UGT1A9: variants seen among roughly 807,000 people sequenced by gnomAD.
UGT1A9 encodes the protein UDP-glucuronosyltransferase 1A9.
A neutral mutation model predicts 45.0 loss-of-function variants in UGT1A9; 35 were observed. The ratio of observed to expected loss-of-function variants is 0.78; its 90% CI spans 0.59 to 1.03. UGT1A9 has a LOEUF of 1.03. Among genes scored for constraint, UGT1A9 ranks in the 50% least tolerant of loss-of-function variants. The pLI is 0.00. For synonymous variants in UGT1A9, 278 were observed against 250.6 expected (o/e 1.11, Z -1.03); for missense variants, 687 against 666.6 (o/e 1.03, Z -0.34).
chr2:233,677,066 C>A (rs1252813499), intron 1 of UGT1A9, among the ~76,000 whole-genome samples: 1 of 151,404 alleles, frequency 6.6e-6, no homozygotes, highest in Non-Finnish European at 1.5e-5. Context: ...AAAATAAGTT[C>A]ATTAATGTGT....
chr2:233,727,875 C>T (rs1348465171), intron 1 of UGT1A9, among the ~76,000 whole-genome samples: 1 of 152,196 alleles, frequency 6.6e-6, no homozygotes, highest in Non-Finnish European at 1.5e-5. Flanking sequence ...CTCAGCCTCA[C>T]CAGCAATGGC....
At chr2:233,754,202 GAAGTCA>G (rs1362706108) in intron 1 of UGT1A9, 1 of 162,518 alleles carries the variant, frequency 6.2e-6, no homozygotes, top group East Asian at 1.7e-4. Context: ...GTAAAACATT[GAAGTCA>G]AATGATTTAG....
At chr2:233,713,026 T>G in intron 1 of UGT1A9, 1 of 1,613,848 alleles carries the variant, frequency 6.2e-7, no homozygotes, top group Non-Finnish European at 8.5e-7. Context: ...CTGCCGCAGC[T>G]GGCCACAGGA....
intron 1 of UGT1A9, among the ~76,000 whole-genome samples, chr2:233,704,038 G>A (rs1347198541): frequency 6.6e-6 from 1 of 151,800 alleles, no homozygotes; most frequent in Non-Finnish European, 1.5e-5. Flanking sequence ...CTACAGGTGT[G>A]CACCAACATG....
chr2:233,725,192 AGAGGCAGAGGCAGAGGCAGAGGCAGAG>A (rs1559370258), intron 1 of UGT1A9, among the ~76,000 whole-genome samples: 1 of 85,390 alleles, frequency 1.2e-5, no homozygotes, highest in Admixed American at 1.0e-4. Flanking sequence ...AGGCAGAGGC[AGAGGCAGAGGCAGAGGCAGAGGCAGAG>A]GAGGCAGAGG....
chr2:233,750,449 A>G (rs1225472187), intron 1 of UGT1A9, among the ~76,000 whole-genome samples: 4 of 151,972 alleles, frequency 2.6e-5, no homozygotes, highest in South Asian at 4.1e-4. Context: ...AGAAATTCAA[A>G]CCAGCTACAG....
chr2:233,724,889 T>A lies in UGT1A9; in HGVS notation c.856-42145T>A, dbSNP rs2077329092. On this transcript the variant is annotated intron_variant, in intron 1 of 4. Coordinates refer to ENST00000354728, the MANE Select transcript of UGT1A9 (RefSeq NM_021027.3). The stretch of plus-strand genomic sequence containing the variant: ...TTGTAGTGAGCGGAGATCACGCCAC[T>A]GCACTCCAGCCTGGGCACCATTGAG... 1.5e-5 allele frequency among the ~76,000 whole-genome samples: 2 copies of A among 135,370 alleles called. 1 individual carries two copies. Among genetic ancestry groups the A allele is most frequent in the Non-Finnish European group, 3.1e-5 (2 of 64,272 alleles). The allele number at this position is 135,370 out of a possible 152,430, so 88.8% of individuals were successfully genotyped here. A position where few individuals can be genotyped will look rare whatever the true frequency, so the allele number is the denominator to read the frequency against.
chr2:233,761,218 C>T (rs1697719268), intron 1 of UGT1A9: 4 of 1,613,576 alleles, frequency 2.5e-6, no homozygotes, highest in Middle Eastern at 1.6e-4. Flanking sequence ...GATCGATTAA[C>T]TAGCCCCAGA....
In UGT1A9 at chr2:233,729,945, G is replaced by A. The variant is rs752275204; in HGVS notation, c.856-37089G>A. ...ACCCCAGGCCAATCATGCCCAACAT[G>A]GTCTTCATTGGGGGCATCAACTGTG... On this transcript the variant is annotated intron_variant, in intron 1 of 4. Coordinates refer to ENST00000354728, the MANE Select transcript of UGT1A9 (RefSeq NM_021027.3). The A allele has an allele frequency of 3.7e-6, 6 of 1,613,976 alleles. No individual in the cohort carries two copies. Among genetic ancestry groups the A allele is most frequent in the Admixed American group, 1.7e-5 (1 of 60,020 alleles).
chr2:233,719,718 T>C, intron 1 of UGT1A9: 1 of 1,613,900 alleles, frequency 6.2e-7, no homozygotes, highest in Non-Finnish European at 8.5e-7. Flanking sequence ...CCAATCAATG[T>C]TCCAGGCAAA....
chr2:233,753,853 A>G (rs1695329798), intron 1 of UGT1A9, among the ~76,000 whole-genome samples: 1 of 152,184 alleles, frequency 6.6e-6, no homozygotes, highest in Non-Finnish European at 1.5e-5. Flanking sequence ...TCATTGACCA[A>G]CCACATAACC....
In UGT1A9 at chr2:233,743,654, T is replaced by A. The variant is rs777818492; in HGVS notation, c.856-23380T>A. The A allele has an allele frequency of 2.2e-6, 3 of 1,367,166 alleles. No homozygotes were observed. In the East Asian group the frequency reaches 1.4e-4, roughly 62 times the overall value. 84.7% of individuals were successfully genotyped at this position (1,367,166 alleles called of 1,614,324 possible). A position where few individuals can be genotyped will look rare whatever the true frequency, so the allele number is the denominator to read the frequency against. ...TGGGTCGCGGAAGCTGAAGACGTAC[T>A]CGAAGGGGTCCTCGAAGGGCCTGCC... is the stretch of plus-strand genomic sequence containing the variant. On this transcript the variant is annotated intron_variant, in intron 1 of 4. Transcript: ENST00000354728.
chr2:233,714,306 TAGAG>T (rs2076379080), intron 1 of UGT1A9, among the ~76,000 whole-genome samples: 3 of 152,124 alleles, frequency 2.0e-5, no homozygotes, highest in African/African-American at 7.2e-5. Context: ...TTGCAAAAGA[TAGAG>T]AGGTGACCAC....
Position 233,703,068 on chromosome 2 carries a change from T to C in UGT1A9, c.855+30279T>C, listed in dbSNP as rs370825305. 7.9e-5 allele frequency among the ~76,000 whole-genome samples: 12 copies of C among 152,368 alleles called. No homozygotes were observed. In the East Asian group the frequency reaches 1.5e-3, roughly 20 times the overall value. On this transcript the variant is annotated intron_variant, in intron 1 of 4. Transcript: ENST00000354728. ...TTGATAGAATTCACTAGTGAAGCTG[T>C]CTGGGCCTAGGCTTTTCTTGCAGGA...
chr2:233,772,112 C>T (rs1700461982), intron 4 of UGT1A9, 150 bp from the exon 5 acceptor site: 2 of 1,527,992 alleles, frequency 1.3e-6, no homozygotes, highest in Non-Finnish European at 1.8e-6. Flanking sequence ...GACTCTGTAT[C>T]TAAAAACAAC....
intron 1 of UGT1A9, among the ~76,000 whole-genome samples, chr2:233,688,668 C>CT (rs201041759): frequency 1.3e-5 from 2 of 152,236 alleles, no homozygotes; most frequent in Admixed American, 6.5e-5. Context: ...GCAGCTGGCT[C>CT]TTTTTTAAAA....
At chr2:233,761,199 A>G (rs767135825) in intron 1 of UGT1A9, 6 of 1,614,054 alleles carry the variant, frequency 3.7e-6, no homozygotes, top group Admixed American at 1.7e-5. Flanking sequence ...TTTCAGATGT[A>G]TTACTTTGGA....
chr2:233,744,010 C>T, intron 1 of UGT1A9: 1 of 1,130,886 alleles, frequency 8.8e-7, no homozygotes, highest in Non-Finnish European at 1.2e-6. Context: ...GAGACCTGGG[C>T]CGCCTGGAGA....
chr2:233,757,194 T>A (rs1696434308), intron 1 of UGT1A9, among the ~76,000 whole-genome samples: 1 of 150,834 alleles, frequency 6.6e-6, no homozygotes, highest in Non-Finnish European at 1.5e-5. Context: ...GACTCTGAAT[T>A]TTCTGTGCCC....
Sources: allele counts gnomAD v4.1 joint callset (sites outside exome capture counted in the v4.1 genomes callset), GRCh38; gene constraint gnomAD v4.1.1; transcripts MANE v1.5; gene names NCBI Gene and HGNC (gene_info 2026-07-23, HGNC 2026-07-21).